The following ACAA2 variants were observed in gnomAD, a reference collection of about 807,000 sequenced individuals.
ACAA2 encodes the protein acetyl-CoA acyltransferase 2.
A neutral mutation model predicts 44.8 loss-of-function variants in ACAA2; 35 were observed. The ratio of observed to expected loss-of-function variants is 0.78; its 90% CI spans 0.60 to 1.04. The LOEUF is 1.04. Among genes scored for constraint, ACAA2 ranks in the 50% least tolerant of loss-of-function variants. ACAA2 has a pLI of 0.00. For synonymous variants in ACAA2, 142 were observed against 166.5 expected (o/e 0.85, Z 1.13); for missense variants, 468 against 482.6 (o/e 0.97, Z 0.28).
intron 8 of ACAA2, chr18:49,786,661 A>G (rs997759529): frequency 5.3e-5 from 8 of 152,204 alleles, no homozygotes; most frequent in African/African-American, 1.9e-4. Context: ...AAAATTTTCA[A>G]ATAAATATTC....
chr18:49,807,460 G>T (rs1045757473), intron 1 of ACAA2, among the ~76,000 whole-genome samples: 1 of 152,152 alleles, frequency 6.6e-6, no homozygotes, highest in African/African-American at 2.4e-5. Flanking sequence ...CATGGCTTTG[G>T]GTTTGGTGAT....
chr18:49,791,717 G>T, intron 6 of ACAA2, 118 bp from the exon 7 acceptor site: 1 of 977,542 alleles, frequency 1.0e-6, no homozygotes, highest in Non-Finnish European at 1.5e-6. Context: ...AGTGCACAGT[G>T]TGAGATACAA....
At position 49,802,799 on chromosome 18, in the gene ACAA2, A is replaced by C; in HGVS notation, c.71T>G (p.Leu24Arg). 6.2e-7 allele frequency: 1 copy of C among 1,614,148 alleles called. No individual in the cohort carries two copies. Among genetic ancestry groups the C allele is most frequent in the Non-Finnish European group, 8.5e-7 (1 of 1,180,018 alleles). Residue 24 changes from leucine to arginine, a missense_variant, in exon 2 of 10, where the codon CTG becomes CGG. Physicochemically the swap from Leu to Arg is moderately radical, Grantham distance 102. Coordinates refer to ENST00000285093, the MANE Select transcript of ACAA2 (RefSeq NM_006111.3). ...CAAGTCAGTAGCAGTGAAGTCTTTC[A>C]GAAGGCCTCCGTAAGCTCCAAAGGG... ...RTPFGAYGGL[L>R]KDFTATDLSE...
intron 2 of ACAA2, among the ~76,000 whole-genome samples, chr18:49,800,211 CCGGGAGG>C (rs1193724475): frequency 7.5e-6 from 1 of 133,082 alleles, no homozygotes; most frequent in East Asian, 2.3e-4. Flanking sequence ...GCCGCCCCGT[CCGGGAGG>C]TGGGGGGGTC....
At chr18:49,802,616 G>A (rs895144931) in intron 2 of ACAA2, 71 bp downstream of exon 2, 7 of 1,375,308 alleles carry the variant, frequency 5.1e-6, no homozygotes, top group African/African-American at 4.4e-5. Flanking sequence ...ATTATGATAT[G>A]TTAAAGGAAT....
chr18:49,797,525 C>G lies in ACAA2; in HGVS notation c.253G>C (p.Ala85Pro), dbSNP rs1180911686. ...CCACAGAGCCTATTAATCGTGAGAG[C>G]TGGGGTCTCCTTTGGGATTCCCACA... ...LRVGIPKETP[A>P]LTINRLCGSG... Residue 85 changes from alanine (A) to proline (P), a missense_variant, in exon 3 of 10, where the codon GCT becomes CCT. Ala to Pro is a conservative substitution (Grantham distance 27). Coordinates refer to ENST00000285093, the MANE Select transcript of ACAA2 (RefSeq NM_006111.3). 5 of 1,612,124 alleles carry G rather than the reference C, an allele frequency of 3.1e-6. No individual in the cohort carries two copies. Among genetic ancestry groups the G allele is most frequent in the Non-Finnish European group, 4.2e-6 (5 of 1,179,566 alleles).
At chr18:49,791,995 G>A (rs1196475596) in intron 6 of ACAA2, among the ~76,000 whole-genome samples, 157 bp downstream of exon 6, 2 of 152,174 alleles carry the variant, frequency 1.3e-5, no homozygotes, top group Admixed American at 6.5e-5. Context: ...AAGATTTTGT[G>A]TGGGTCTATG....
chr18:49,800,257 CGGGAGGGA>C (rs1247452391), intron 2 of ACAA2, among the ~76,000 whole-genome samples: 2 of 146,076 alleles, frequency 1.4e-5, no homozygotes, highest in East Asian at 2.1e-4. Flanking sequence ...CCGCCCCGTC[CGGGAGGGA>C]GGGAGGTGGG....
intron 1 of ACAA2, chr18:49,811,308 C>T (rs1363478857): frequency 2.6e-5 from 4 of 152,164 alleles, no homozygotes; most frequent in Non-Finnish European, 5.9e-5. Flanking sequence ...AGAGCAACTT[C>T]AGGCAGCAAC....
chr18:49,783,994 T>C, intron 9 of ACAA2, 63 bp from the exon 10 acceptor site: 1 of 1,306,560 alleles, frequency 7.7e-7, no homozygotes, highest in Non-Finnish European at 1.1e-6. Context: ...GAAATAGAAC[T>C]AATAACATCA....
intron 1 of ACAA2, chr18:49,811,323 G>A (rs1277895288): frequency 6.6e-6 from 1 of 152,144 alleles, no homozygotes; most frequent in African/African-American, 2.4e-5. Context: ...AGCAACGAGG[G>A]CAAATTAAGG....
At chr18:49,803,239 A>AAATAATAAT (rs10639158) in intron 1 of ACAA2, among the ~76,000 whole-genome samples, 40,078 of 142,078 alleles carry the variant, frequency 0.28, 5,851 homozygotes, top group East Asian at 0.42. Flanking sequence ...CTGGTAGTTA[A>AAATAATAAT]AATAATAATA....
chr18:49,813,434 G>A (rs1369902546), intron 1 of ACAA2, 35 bp downstream of exon 1: 3 of 1,236,768 alleles, frequency 2.4e-6, no homozygotes, highest in South Asian at 8.2e-5. Flanking sequence ...GCAGGACCCC[G>A]AGGGGCGAGG....
intron 1 of ACAA2, among the ~76,000 whole-genome samples, chr18:49,808,562 C>T (rs533813674): frequency 5.3e-5 from 8 of 152,214 alleles, no homozygotes; most frequent in Admixed American, 3.9e-4. Flanking sequence ...GCTGGGCCGC[C>T]GGGGGTGACA....
chr18:49,802,544 G>T, intron 2 of ACAA2, 143 bp downstream of exon 2: 1 of 755,860 alleles, frequency 1.3e-6, no homozygotes, highest in Admixed American at 4.0e-5. Context: ...CCTGGCGGCA[G>T]AGCGAGACTC....
chr18:49,806,678 C>A lies in ACAA2; in HGVS notation c.17-3825G>T, dbSNP rs564816030. Among the ~76,000 whole-genome samples, 6 of 152,258 alleles carry A rather than the reference C, an allele frequency of 3.9e-5. No homozygotes were observed. The South Asian group carries it at 1.2e-3, about 32-fold the overall frequency. On this transcript the variant is annotated intron_variant, in intron 1 of 9. Coordinates refer to ENST00000285093, the MANE Select transcript of ACAA2 (RefSeq NM_006111.3). ...GACCAATCCCAAGAAGACCCAGACA[C>A]TGAAATTAGCAGACAAGGATTTTAA... is the stretch of plus-strand genomic sequence containing the variant.
At position 49,813,478 on chromosome 18, in the gene ACAA2, G is replaced by C. The variant is rs2023695773; in HGVS notation, c.7C>G (p.Leu3Val). The change falls in exon 1 of 10, where the codon CTG (leucine) becomes GTG (valine). Residue 3 changes from leucine to valine, a missense_variant. By Grantham distance (32) the Leu-to-Val change is conservative. Transcript: ENST00000285093. The part of the protein sequence containing the change: MA[L>V]LRGVFVVAAK... ...AGGGGGCTGCGCTCACCTCGGAGCA[G>C]AGCCATGGCGGCTGCTGGGTCGTCG... The C allele has an allele frequency of 4.0e-6, 5 of 1,242,286 alleles. No individual in the cohort carries two copies. The African/African-American group carries it at 6.2e-5, about 15-fold the overall frequency. 77.0% of individuals were successfully genotyped at this position (1,242,286 alleles called of 1,614,324 possible). A position where few individuals can be genotyped will look rare whatever the true frequency, so the allele number is the denominator to read the frequency against.
chr18:49,797,582 C>T lies in ACAA2; in HGVS notation c.196G>A (p.Ala66Thr), dbSNP rs2023479955. ...CCAACATGCCTTGCCAAATATATAG[C>T]ATCTGAAGAACTCTAGAAGAGAGAA... is the stretch of plus-strand genomic sequence containing the variant. Reference protein sequence around the residue: ...MGNVLQSSSDAIYLARHVGLR... With the variant: ...MGNVLQSSSDTIYLARHVGLR... Residue 66 changes from alanine (A) to threonine (T), a missense_variant, in exon 3 of 10, where the codon GCT becomes ACT. Transcript: ENST00000285093. The T allele has an allele frequency of 6.2e-7, 1 of 1,607,984 alleles. No individual in the cohort carries two copies. Among genetic ancestry groups the T allele is most frequent in the Non-Finnish European group, 8.5e-7 (1 of 1,177,992 alleles).
intron 1 of ACAA2, chr18:49,812,676 G>A (rs2023683968): frequency 6.6e-6 from 1 of 152,068 alleles, no homozygotes; most frequent in African/African-American, 2.4e-5. Context: ...TCATTACCCC[G>A]CTTTAAATCC....
Sources: allele counts gnomAD v4.1 joint callset (sites outside exome capture counted in the v4.1 genomes callset), GRCh38; gene constraint gnomAD v4.1.1; transcripts MANE v1.5; gene names NCBI Gene and HGNC (gene_info 2026-07-23, HGNC 2026-07-21).